Variants in IPCEF1 observed in about 807,000 individuals in gnomAD.
IPCEF1 encodes interactor protein for cytohesin exchange factors 1.
Under a neutral mutation model 50.9 loss-of-function variants are expected in IPCEF1, and 31 were observed. That is an observed-to-expected ratio of 0.61 (90% confidence interval 0.46 to 0.82). The LOEUF is 0.82. IPCEF1 is among the 40% of genes least tolerant of loss of function. IPCEF1 has a pLI of 0.00. For synonymous variants in IPCEF1, 181 were observed against 192.0 expected, an observed-to-expected ratio of 0.94 and a Z score of 0.47; for missense variants, 458 against 514.0, an observed-to-expected ratio of 0.89 and a Z score of 1.05.
chr6:154,316,095 C>A (rs1783210691), intron 1 of IPCEF1, among the ~76,000 whole-genome samples: 3 of 152,124 alleles, frequency 2.0e-5, no homozygotes, highest in Admixed American at 2.0e-4. Flanking sequence ...TGGCCTCAAG[C>A]AATCTGCCTG....
intron 2 of IPCEF1, among the ~76,000 whole-genome samples, chr6:154,270,250 T>C (rs771509172): frequency 1.3e-5 from 2 of 152,224 alleles, no homozygotes; most frequent in Non-Finnish European, 2.9e-5. Flanking sequence ...CCTATTTGAA[T>C]TGTCTATGGA....
intron 5 of IPCEF1, among the ~76,000 whole-genome samples, chr6:154,245,419 G>T (rs1422115190): frequency 6.6e-6 from 1 of 152,150 alleles, no homozygotes; most frequent in Non-Finnish European, 1.5e-5. Context: ...ACTGGAATTG[G>T]ATTTGGGTCT....
intron 1 of IPCEF1, among the ~76,000 whole-genome samples, chr6:154,311,673 C>G (rs557980453): frequency 6.6e-6 from 1 of 152,174 alleles, no homozygotes; most frequent in East Asian, 1.9e-4. Context: ...AAATGGCCAA[C>G]AAGTGTATGA....
At chr6:154,228,304 TA>T (rs11303578) in intron 5 of IPCEF1, among the ~76,000 whole-genome samples, 82,124 of 146,992 alleles carry the variant, frequency 0.56, 22,655 homozygotes, top group Admixed American at 0.64. Context: ...TGTCTCTGTT[TA>T]AAAAAAAAAA....
intron 1 of IPCEF1, among the ~76,000 whole-genome samples, chr6:154,311,494 C>T (rs1783076572): frequency 6.6e-6 from 1 of 152,182 alleles, no homozygotes; most frequent in Non-Finnish European, 1.5e-5. Context: ...AGCTCCAGAG[C>T]TATACTTCCA....
At chr6:154,191,392 T>C (rs993010677) in intron 10 of IPCEF1, among the ~76,000 whole-genome samples, 4 of 151,910 alleles carry the variant, frequency 2.6e-5, no homozygotes, top group African/African-American at 9.7e-5. Context: ...GTGAACCCCA[T>C]GCCAGGCGCG....
chr6:154,173,904 G>T (rs897337978), intron 10 of IPCEF1, among the ~76,000 whole-genome samples: 4 of 152,190 alleles, frequency 2.6e-5, no homozygotes, highest in Non-Finnish European at 5.9e-5. Flanking sequence ...AGGAAAAAAT[G>T]TTAAGGGCAG....
chr6:154,330,634 A>G (rs1783637299), intron 1 of IPCEF1, among the ~76,000 whole-genome samples: 1 of 152,032 alleles, frequency 6.6e-6, no homozygotes, highest in Non-Finnish European at 1.5e-5. Flanking sequence ...CCTCTCTTTC[A>G]ACTAATGCTC....
rs964380831 is a variant in IPCEF1 at position 154,242,882 on chromosome 6, C to T, written c.246+3709G>A. Among the ~76,000 whole-genome samples, 26 of 60,962 alleles carry T rather than the reference C, an allele frequency of 4.3e-4. 1 individual carries two copies. The Admixed American group carries it at 4.4e-3, about 10-fold the overall frequency. 40.0% of individuals were successfully genotyped at this position (60,962 alleles called of 152,430 possible). A position where few individuals can be genotyped will look rare whatever the true frequency, so the allele number is the denominator to read the frequency against. ...CAGCCTGGGCCATAGAGCAAGACTC[C>T]GTCTCAAAGAAAAGAAAAGAAAAGT... On this transcript the variant is annotated intron_variant, in intron 5 of 11. Coordinates refer to ENST00000367220, the MANE Select transcript of IPCEF1 (RefSeq NM_001130700.2).
intron 3 of IPCEF1, among the ~76,000 whole-genome samples, chr6:154,259,674 T>A (rs1425507906): frequency 6.6e-5 from 10 of 151,530 alleles, no homozygotes; most frequent in African/African-American, 2.2e-4. Context: ...ATAAATAAAA[T>A]AAAAAATAAA....
intron 10 of IPCEF1, among the ~76,000 whole-genome samples, chr6:154,191,013 G>A (rs779692401): frequency 6.6e-6 from 1 of 151,946 alleles, no homozygotes; most frequent in African/African-American, 2.4e-5. Context: ...CCGAGATCGC[G>A]CCACTGCACT....
At chr6:154,286,138 C>T (rs775470692) in intron 2 of IPCEF1, among the ~76,000 whole-genome samples, 18 of 152,040 alleles carry the variant, frequency 1.2e-4, no homozygotes, top group Non-Finnish European at 2.2e-4. Context: ...TGTTTGCTCC[C>T]ACTACACACC....
intron 10 of IPCEF1, among the ~76,000 whole-genome samples, chr6:154,192,318 CTGTGTGTGTGTG>C (rs56231733): frequency 1.4e-4 from 21 of 148,134 alleles, no homozygotes; most frequent in African/African-American, 5.0e-4. Context: ...CACGTGGTTA[CTGTGTGTGTGTG>C]TGTGTGTGTG....
intron 1 of IPCEF1, chr6:154,306,689 G>A (rs7770794): frequency 0.26 from 38,926 of 152,368 alleles, 5,322 homozygotes; most frequent in Non-Finnish European, 0.29. Context: ...ACTGTGCAGC[G>A]CCTACCAGCA....
At chr6:154,247,296 C>A in intron 4 of IPCEF1, 153 bp downstream of exon 4, 1 of 609,596 alleles carries the variant, frequency 1.6e-6, no homozygotes, top group Non-Finnish European at 2.9e-6. Flanking sequence ...TTCTTAAAAT[C>A]GATTCAACAA....
At position 154,237,397 on chromosome 6, in the gene IPCEF1, G is replaced by C. The variant is rs555657477; in HGVS notation, c.246+9194C>G. 9.9e-5 allele frequency among the ~76,000 whole-genome samples: 15 copies of C among 152,220 alleles called. No individual in the cohort carries two copies. In the South Asian group the frequency reaches 2.9e-3, roughly 30 times the overall value. On this transcript the variant is annotated intron_variant, in intron 5 of 11. Coordinates refer to ENST00000367220, the MANE Select transcript of IPCEF1 (RefSeq NM_001130700.2). ...ACACGGGGTCGGTAGGTGTATTTTTGGACTTTCTTACACAGGACAGATCAT... is the reference window on the plus strand; with the variant it reads ...ACACGGGGTCGGTAGGTGTATTTTTCGACTTTCTTACACAGGACAGATCAT...
chr6:154,241,987 T>G (rs1780634457), intron 5 of IPCEF1, among the ~76,000 whole-genome samples: 1 of 152,316 alleles, frequency 6.6e-6, no homozygotes, highest in East Asian at 1.9e-4. Flanking sequence ...AGTTCTGCTA[T>G]TTACTCCTTA....
chr6:154,287,105 TA>T (rs139227289), intron 2 of IPCEF1, among the ~76,000 whole-genome samples: 2,307 of 151,968 alleles, frequency 0.015, 45 homozygotes, highest in African/African-American at 0.048. Flanking sequence ...TTTTTAAAAT[TA>T]AAAAATAAAA....
chr6:154,180,018 T>C (rs552573013), intron 10 of IPCEF1, among the ~76,000 whole-genome samples: 2 of 152,324 alleles, frequency 1.3e-5, no homozygotes, highest in Non-Finnish European at 2.9e-5. Flanking sequence ...TTTCATGCAA[T>C]GCTAGCCTCA....
Sources: gnomAD v4.1 joint callset for allele counts (sites outside exome capture counted in the v4.1 genomes callset) on GRCh38, gnomAD v4.1.1 for gene constraint, MANE v1.5 for transcripts, NCBI Gene and HGNC (gene_info 2026-07-23, HGNC 2026-07-21) for gene names.